Variants in LARP1B observed in about 807,000 individuals in gnomAD.
LARP1B encodes the protein la-related protein 1B.
Under a neutral mutation model 114.2 loss-of-function variants are expected in LARP1B, and 76 were observed. The ratio of observed to expected loss-of-function variants is 0.67; its 90% CI spans 0.55 to 0.81. The LOEUF is 0.81. LARP1B is among the 30% of genes least tolerant of loss of function. The pLI is 0.00. For missense variants in LARP1B, 1,014 were observed against 1,075.8 expected, an observed-to-expected ratio of 0.94 and a Z score of 0.80; for synonymous variants, 345 against 348.0, an observed-to-expected ratio of 0.99 and a Z score of 0.10.
intron 5 of LARP1B, among the ~76,000 whole-genome samples, chr4:128,087,904 T>C (rs1580135453): frequency 6.6e-6 from 1 of 152,016 alleles, no homozygotes; most frequent in African/African-American, 2.4e-5. Flanking sequence ...AAAATTGACT[T>C]TTTTTCTATT....
chr4:128,113,798 T>C (rs907669821), intron 9 of LARP1B, among the ~76,000 whole-genome samples: 1 of 149,334 alleles, frequency 6.7e-6, no homozygotes, highest in African/African-American at 2.5e-5. Flanking sequence ...TTTTTTTTTT[T>C]TTTTTGAGAT....
intron 10 of LARP1B, among the ~76,000 whole-genome samples, chr4:128,118,227 G>A (rs1786633423): frequency 7.1e-6 from 1 of 141,694 alleles, no homozygotes; most frequent in Non-Finnish European, 1.5e-5. Context: ...TGCCCAGTCA[G>A]GTCTATTTTT....
intron 12 of LARP1B, 127 bp from the exon 13 acceptor site, chr4:128,176,745 A>C: frequency 1.2e-6 from 1 of 800,664 alleles, no homozygotes; most frequent in East Asian, 2.7e-5. Flanking sequence ...TCTGGGAAGC[A>C]ATGAGACTTA....
intron 11 of LARP1B, among the ~76,000 whole-genome samples, chr4:128,145,878 C>T (rs547221314): frequency 7.9e-5 from 12 of 152,166 alleles, no homozygotes; most frequent in African/African-American, 2.2e-4. Flanking sequence ...TTGGTTGCTC[C>T]GTCATAGCCA....
At chr4:128,116,168 G>A (rs1785751736) in intron 10 of LARP1B, among the ~76,000 whole-genome samples, 1 of 152,164 alleles carries the variant, frequency 6.6e-6, no homozygotes, top group Non-Finnish European at 1.5e-5. Context: ...TGGTGGTACT[G>A]CTCTGCATTT....
At chr4:128,219,832 T>TAAATAAAA (rs745862797) in intron 6 of LARP1B, among the ~76,000 whole-genome samples, 2,263 of 149,440 alleles carry the variant, frequency 0.015, 41 homozygotes, top group East Asian at 0.075. Flanking sequence ...AATAAATAAA[T>TAAATAAAA]GGAATTAGGA....
intron 11 of LARP1B, among the ~76,000 whole-genome samples, chr4:128,152,714 T>C (rs1412120465): frequency 6.6e-6 from 1 of 151,928 alleles, no homozygotes; most frequent in South Asian, 2.1e-4. Flanking sequence ...TAGTATGGAC[T>C]CCAACATGGA....
chr4:128,109,740 C>G (rs1019554833), intron 9 of LARP1B, among the ~76,000 whole-genome samples: 2 of 150,492 alleles, frequency 1.3e-5, no homozygotes, highest in Non-Finnish European at 3.0e-5. Flanking sequence ...ACTCTTAGCA[C>G]CACTCAATGA....
intron 13 of LARP1B, 93 bp from the exon 14 acceptor site, chr4:128,178,338 C>G (rs1187206152): frequency 7.0e-6 from 6 of 858,520 alleles, no homozygotes; most frequent in East Asian, 5.3e-5. Context: ...GTGAAAAATC[C>G]TTTGAGCTTA....
intron 5 of LARP1B, among the ~76,000 whole-genome samples, chr4:128,089,402 C>A (rs1345717089): frequency 6.6e-6 from 1 of 152,170 alleles, no homozygotes; most frequent in Non-Finnish European, 1.5e-5. Flanking sequence ...GTGGCGAGGT[C>A]TCGGCTCACT....
At chr4:128,105,094 A>G (rs575018849) in intron 8 of LARP1B, among the ~76,000 whole-genome samples, 3 of 150,956 alleles carry the variant, frequency 2.0e-5, no homozygotes, top group Admixed American at 6.6e-5. Context: ...TTTTACATTC[A>G]GGGATAGATA....
Position 128,091,336 on chromosome 4 carries a change from T to C in LARP1B, c.503-11T>C. 6.2e-7 allele frequency: 1 copy of C among 1,600,028 alleles called. No homozygotes were observed. The highest frequency in any genetic ancestry group is 8.5e-7 in the Non-Finnish European group (1 of 1,173,140). ...ATGTGATTACCTTTCTTTTTCTTTA[T>C]TCACATCAAGTGAACTTTGATTATT... On this transcript the variant is annotated splice_polypyrimidine_tract_variant and intron_variant, in intron 6 of 19. Transcript: ENST00000326639.
At chr4:128,068,023 G>A (rs1422807393) in intron 1 of LARP1B, among the ~76,000 whole-genome samples, 1 of 152,136 alleles carries the variant, frequency 6.6e-6, no homozygotes, top group Non-Finnish European at 1.5e-5. Flanking sequence ...TGGGACTACA[G>A]GCGCCCGCCA....
chr4:128,221,909 A>T (rs1331822622), intron 7 of LARP1B, among the ~76,000 whole-genome samples: 1 of 152,190 alleles, frequency 6.6e-6, no homozygotes, highest in Non-Finnish European at 1.5e-5. Flanking sequence ...TGTCCTGAAG[A>T]ATAAATGCAC....
At chr4:128,120,112 T>C (rs1787391983) in intron 10 of LARP1B, among the ~76,000 whole-genome samples, 1 of 152,224 alleles carries the variant, frequency 6.6e-6, no homozygotes, top group Non-Finnish European at 1.5e-5. Flanking sequence ...TTCTGTTTAC[T>C]AGAATGTGAG....
chr4:128,114,153 A>T (rs1391946676), intron 9 of LARP1B, among the ~76,000 whole-genome samples: 1 of 152,170 alleles, frequency 6.6e-6, no homozygotes, highest in Non-Finnish European at 1.5e-5. Flanking sequence ...AGAACAAGAG[A>T]CTAATTTTAC....
At chr4:128,177,141 T>C (rs1404694519) in intron 13 of LARP1B, among the ~76,000 whole-genome samples, 2 of 152,138 alleles carry the variant, frequency 1.3e-5, no homozygotes, top group African/African-American at 4.8e-5. Context: ...CCTAGGCTTA[T>C]TCTAGAGGCA....
chr4:128,063,613 G>A (rs542509993), intron 1 of LARP1B, among the ~76,000 whole-genome samples: 88 of 150,238 alleles, frequency 5.9e-4, no homozygotes, highest in African/African-American at 2.1e-3. Context: ...AACCTTGTCT[G>A]TACTATAAAT....
At chr4:128,181,063 C>CT (rs1225398127) in intron 15 of LARP1B, among the ~76,000 whole-genome samples, 1 of 151,950 alleles carries the variant, frequency 6.6e-6, no homozygotes, top group Non-Finnish European at 1.5e-5. Context: ...TCTTTCTTTG[C>CT]TTTTTATAAC....
Sources: gnomAD v4.1 joint callset for allele counts (sites outside exome capture counted in the v4.1 genomes callset) on GRCh38, gnomAD v4.1.1 for gene constraint, MANE v1.5 for transcripts, NCBI Gene and HGNC (gene_info 2026-07-23, HGNC 2026-07-21) for gene names.